Variants in VTI1A observed in about 807,000 individuals in gnomAD.
The protein encoded by VTI1A is vesicle transport through interaction with t-SNAREs 1A.
VTI1A carries 22 observed loss-of-function variants against 34.9 expected under a neutral mutation model. The ratio of observed to expected loss-of-function variants is 0.63; its 90% CI spans 0.45 to 0.90. The LOEUF (loss-of-function observed/expected upper bound fraction) is 0.90. VTI1A is among the 40% of genes least tolerant of loss of function. The pLI, the probability that VTI1A is intolerant of heterozygous loss-of-function variation, is 0.00. For synonymous variants in VTI1A, 87 were observed against 97.3 expected, an observed-to-expected ratio of 0.89 and a Z score of 0.62; for missense variants, 268 against 275.6, an observed-to-expected ratio of 0.97 and a Z score of 0.20.
At chr10:112,592,293 T>C (rs561222321) in intron 5 of VTI1A, among the ~76,000 whole-genome samples, 1 of 152,310 alleles carries the variant, frequency 6.6e-6, no homozygotes, top group South Asian at 2.1e-4. Flanking sequence ...ATCATAAATA[T>C]GTACTGTTTT....
intron 3 of VTI1A, among the ~76,000 whole-genome samples, chr10:112,495,196 C>CTTTTT (rs751870581): frequency 8.3e-4 from 65 of 78,776 alleles, no homozygotes; most frequent in Admixed American, 1.1e-3. Context: ...CAGTAATGGT[C>CTTTTT]TTTTTTTTTT....
intron 5 of VTI1A, among the ~76,000 whole-genome samples, chr10:112,540,786 G>A (rs1415585431): frequency 6.6e-6 from 1 of 152,180 alleles, no homozygotes; most frequent in African/African-American, 2.4e-5. Context: ...TAAAGTATCA[G>A]AACAGCATCT....
At chr10:112,850,456 A>C in the VTI1A span, among the ~76,000 whole-genome samples, 1 of 152,108 alleles carries the variant, frequency 6.6e-6, no homozygotes, top group African/African-American at 2.4e-5. Context: ...GAGGGGGAGC[A>C]AAGAGAGGTC....
At chr10:112,601,911 A>G (rs959477241) in intron 5 of VTI1A, among the ~76,000 whole-genome samples, 1 of 152,208 alleles carries the variant, frequency 6.6e-6, no homozygotes, top group African/African-American at 2.4e-5. Context: ...GTCCCTTAGT[A>G]GCCTGGGGTT....
chr10:112,451,937 G>A (rs186023463), intron 1 of VTI1A, among the ~76,000 whole-genome samples: 2 of 152,286 alleles, frequency 1.3e-5, no homozygotes, highest in African/African-American at 2.4e-5. Context: ...ATGCAATTAC[G>A]TATTATTGAA....
chr10:112,752,019 C>T (rs1450251288), intron 7 of VTI1A, among the ~76,000 whole-genome samples: 1 of 152,122 alleles, frequency 6.6e-6, no homozygotes, highest in Non-Finnish European at 1.5e-5. Context: ...TCAGATACAT[C>T]AATTTAACAG....
intron 5 of VTI1A, among the ~76,000 whole-genome samples, chr10:112,598,613 A>G (rs960573806): frequency 6.6e-6 from 1 of 152,226 alleles, no homozygotes; most frequent in Non-Finnish European, 1.5e-5. Context: ...GGCGTTCCCT[A>G]CCTTGGATGC....
At chr10:112,617,407 G>T (rs1845547135) in intron 5 of VTI1A, among the ~76,000 whole-genome samples, 1 of 152,020 alleles carries the variant, frequency 6.6e-6, no homozygotes, top group South Asian at 2.1e-4. Flanking sequence ...GGAGGAAAAT[G>T]ACTCCAGAAG....
At chr10:112,687,525 G>T (rs770340376) in intron 7 of VTI1A, among the ~76,000 whole-genome samples, 1 of 151,788 alleles carries the variant, frequency 6.6e-6, no homozygotes, top group South Asian at 2.1e-4. Flanking sequence ...GAGCCACTGC[G>T]CCCGGCAACT....
intron 7 of VTI1A, 114 bp from the exon 8 acceptor site, chr10:112,815,176 C>CACA: frequency 2.0e-6 from 1 of 510,438 alleles, no homozygotes; most frequent in South Asian, 1.8e-5. Flanking sequence ...CACACACGCT[C>CACA]CCCACCCCCA....
intron 7 of VTI1A, among the ~76,000 whole-genome samples, chr10:112,799,783 A>C (rs928722535): frequency 1.3e-5 from 2 of 152,172 alleles, no homozygotes; most frequent in Non-Finnish European, 2.9e-5. Flanking sequence ...GAGATATCAC[A>C]AGTTTGAATA....
chr10:112,663,292 C>CTT (rs1225587612), intron 5 of VTI1A, among the ~76,000 whole-genome samples: 4 of 152,200 alleles, frequency 2.6e-5, no homozygotes, highest in Admixed American at 2.6e-4. Flanking sequence ...AGAGCAGGTA[C>CTT]TTGCCCTATA....
At chr10:112,671,503 A>G (rs1171022179) in intron 7 of VTI1A, among the ~76,000 whole-genome samples, 1 of 152,258 alleles carries the variant, frequency 6.6e-6, no homozygotes, top group Non-Finnish European at 1.5e-5. Flanking sequence ...GTAGTATACC[A>G]AACCAAGGAG....
intron 5 of VTI1A, among the ~76,000 whole-genome samples, chr10:112,602,111 G>A (rs923589453): frequency 6.6e-6 from 1 of 152,156 alleles, no homozygotes; most frequent in Non-Finnish European, 1.5e-5. Context: ...ACTTTTTAAT[G>A]TGAGCATTTC....
intron 7 of VTI1A, chr10:112,737,046 G>A: frequency 2.3e-6 from 1 of 441,176 alleles, no homozygotes. Context: ...CCATTACATA[G>A]TGGACAATTT....
At chr10:112,830,017 A>G in the VTI1A span, among the ~76,000 whole-genome samples, 1 of 152,054 alleles carries the variant, frequency 6.6e-6, no homozygotes, top group Non-Finnish European at 1.5e-5. Context: ...GAAATAACTC[A>G]CCTGTGCTCT....
chr10:112,796,556 C>T (rs1852683846), intron 7 of VTI1A, among the ~76,000 whole-genome samples: 1 of 152,146 alleles, frequency 6.6e-6, no homozygotes. Flanking sequence ...CACCTCTTCA[C>T]AAAACTGGCT....
chr10:112,478,363 T>C (rs973472482), intron 3 of VTI1A, among the ~76,000 whole-genome samples: 21 of 152,172 alleles, frequency 1.4e-4, no homozygotes, highest in African/African-American at 5.1e-4. Context: ...GAGGGTCAAA[T>C]AGATAATGTT....
intron 7 of VTI1A, among the ~76,000 whole-genome samples, chr10:112,725,987 AG>A (rs1850008934): frequency 6.6e-6 from 1 of 152,224 alleles, no homozygotes; most frequent in African/African-American, 2.4e-5. Context: ...TATTTTTACA[AG>A]GAATCCTGAT....
Sources: gnomAD v4.1 joint callset for allele counts (sites outside exome capture counted in the v4.1 genomes callset) on GRCh38, gnomAD v4.1.1 for gene constraint, MANE v1.5 for transcripts, NCBI Gene and HGNC (gene_info 2026-07-23, HGNC 2026-07-21) for gene names.